Variants in ANAPC15 observed in about 807,000 individuals in gnomAD.
ANAPC15 encodes the protein anaphase promoting complex subunit 15, also known as anaphase-promoting complex subunit 15.
Under a neutral mutation model 19.8 loss-of-function variants are expected in ANAPC15, and 13 were observed. The observed-to-expected ratio is 0.66, with a 90% confidence interval of 0.43 to 1.04. ANAPC15 has a LOEUF of 1.04. Ranked by LOEUF, ANAPC15 falls within the 50% of genes least tolerant of loss-of-function variation. The pLI, the probability that ANAPC15 is intolerant of heterozygous loss-of-function variation, is 0.00. For missense variants in ANAPC15, 88 were observed against 150.3 expected (o/e 0.59, Z 2.17); for synonymous variants, 45 against 50.7 (o/e 0.89, Z 0.47).
At chr11:72,107,391 G>C, downstream of ANAPC15, 1 of 689,276 alleles carries the variant, frequency 1.5e-6, no homozygotes, top group Non-Finnish European at 2.7e-6. Flanking sequence ...TAGGGTGGTT[G>C]TTTCTGCCTG....
intron 4 of ANAPC15, 73 bp downstream of exon 4, chr11:72,110,471 G>A: frequency 6.3e-7 from 1 of 1,596,096 alleles, no homozygotes; most frequent in South Asian, 1.1e-5. Flanking sequence ...TCAGAGACAG[G>A]ACATTCAGAA....
In ANAPC15 at chr11:72,111,081, A is replaced by G. The variant is rs1406563284; in HGVS notation, c.120+76T>C. ...CTCTTCCTGGGTAGATTTCTGGAGT[A>G]AGGCTGGGTCATGGCCCACTGAAGG... is the stretch of plus-strand genomic sequence containing the variant. On this transcript the variant is annotated intron_variant, in intron 3 of 5. Transcript: ENST00000227618. The G allele has an allele frequency of 5.8e-6, 6 of 1,031,090 alleles. No individual in the cohort carries two copies. The Admixed American group carries it at 1.0e-4, about 17-fold the overall frequency. The allele number at this position is 1,031,090 out of a possible 1,614,324, so 63.9% of individuals were successfully genotyped here.
Position 72,111,012 on chromosome 11 carries a change from C to T in ANAPC15, c.120+145G>A, listed in dbSNP as rs78756927. On this transcript the variant is annotated intron_variant, in intron 3 of 5. Transcript: ENST00000227618. ...GGGTACCACAAGATGAGAACCTTGG[C>T]TCCCTGGCTCCCAGCCCGATTATTC... is the stretch of plus-strand genomic sequence containing the variant. The T allele has an allele frequency of 7.5e-3, 4,963 of 659,172 alleles. 210 individuals are homozygous for T. The African/African-American group carries it at 0.08, about 11-fold the overall frequency. 40.8% of individuals were successfully genotyped at this position (659,172 alleles called of 1,614,324 possible). A position where few individuals can be genotyped will look rare whatever the true frequency, so the allele number is the denominator to read the frequency against.
At position 72,112,328 on chromosome 11, in the gene ANAPC15, A is replaced by G. The variant is rs1326733659; in HGVS notation, c.-96+322T>C. On this transcript the variant is annotated intron_variant, in intron 1 of 5. Transcript: ENST00000227618. ...CATTACGATAATGACCATGCAGTTG[A>G]CCAACAGAAAGAAAGCAGGGCGGGT... 8 of 170,510 alleles carry G rather than the reference A, an allele frequency of 4.7e-5. No individual in the cohort carries two copies. The South Asian group carries it at 6.2e-4, about 13-fold the overall frequency. The allele number at this position is 170,510 out of a possible 1,614,324, so 10.6% of individuals were successfully genotyped here.
In ANAPC15 at chr11:72,110,610, G is replaced by A. The variant is rs370192741; in HGVS notation, c.121-7C>T. On this transcript the variant is annotated splice_polypyrimidine_tract_variant and splice_region_variant and intron_variant, in intron 3 of 5. Transcript: ENST00000227618. ...TCTCCGCGATGCTTTGGAGCTGTGGGCAAAGGCACAGAGGAACAAGGCCAG... is the reference window on the plus strand; with the variant it reads ...TCTCCGCGATGCTTTGGAGCTGTGGACAAAGGCACAGAGGAACAAGGCCAG... 4.3e-5 allele frequency: 69 copies of A among 1,614,088 alleles called. No homozygotes were observed. Among genetic ancestry groups the A allele is most frequent in the Non-Finnish European group, 5.3e-5 (62 of 1,180,050 alleles).
chr11:72,109,384 C>A (rs1371675893), downstream of ANAPC15: 1 of 461,438 alleles, frequency 2.2e-6, no homozygotes, highest in South Asian at 1.5e-5. Context: ...AGACGCCCTG[C>A]AGGAATAGCT....
At chr11:72,108,829 T>G (rs886048633), downstream of ANAPC15, 12 of 1,550,634 alleles carry the variant, frequency 7.7e-6, no homozygotes, top group Admixed American at 3.9e-5. Flanking sequence ...CTAAGAGCTG[T>G]GGCCGCTACC....
chr11:72,107,780 C>A (rs1237496795), downstream of ANAPC15: 11 of 819,720 alleles, frequency 1.3e-5, no homozygotes, highest in Non-Finnish European at 2.1e-5. Context: ...ACCAGGAGGG[C>A]AGCTGGGGCT....
rs1291346919 is a variant in ANAPC15 at position 72,111,090 on chromosome 11, T to C, written c.120+67A>G. On this transcript the variant is annotated intron_variant, in intron 3 of 5. Coordinates refer to ENST00000227618, the MANE Select transcript of ANAPC15 (RefSeq NM_014042.3). ...GGTAGATTTCTGGAGTAAGGCTGGG[T>C]CATGGCCCACTGAAGGAGGTCTCTG... The C allele has an allele frequency of 6.0e-6, 6 of 1,008,314 alleles. No individual in the cohort carries two copies. In the African/African-American group the frequency reaches 1.5e-4, roughly 25 times the overall value. 62.5% of individuals were successfully genotyped at this position (1,008,314 alleles called of 1,614,324 possible). A position where few individuals can be genotyped will look rare whatever the true frequency, so the allele number is the denominator to read the frequency against.
Position 72,110,157 on chromosome 11 carries a change from A to T in ANAPC15, c.249T>A (p.Asp83Glu). The part of the protein sequence containing the change: ...DEDSEEDSED[D>E]EDMQDMDEMN... The stretch of plus-strand genomic sequence containing the variant: ...TCTCGTCCATGTCCTGCATATCCTC[A>T]TCATCCTCTGAGTCCTCTTCACTAT... Residue 83 changes from aspartate to glutamate, a missense_variant, in exon 5 of 6, where the codon GAT becomes GAA. Transcript: ENST00000227618. 1.9e-6 allele frequency: 3 copies of T among 1,613,998 alleles called. No individual in the cohort carries two copies. Among genetic ancestry groups the T allele is most frequent in the Non-Finnish European group, 2.5e-6 (3 of 1,179,986 alleles).
chr11:72,108,571 C>T, downstream of ANAPC15: 1 of 1,435,080 alleles, frequency 7.0e-7, no homozygotes, highest in Non-Finnish European at 9.2e-7. Flanking sequence ...ACAATTCCCC[C>T]CACCCTCACC....
rs1259882207 is a variant in ANAPC15, at chr11:72,112,655, CG to C, written c.-102del. 1 of 456,630 alleles carries C rather than the reference CG, an allele frequency of 2.2e-6. No homozygotes were observed. Among genetic ancestry groups the C allele is most frequent in the Non-Finnish European group, 4.4e-6 (1 of 226,928 alleles). The allele number at this position is 456,630 out of a possible 1,614,324, so 28.3% of individuals were successfully genotyped here. A position where few individuals can be genotyped will look rare whatever the true frequency, so the allele number is the denominator to read the frequency against. On this transcript the variant is annotated 5_prime_UTR_variant, in exon 1 of 6. Coordinates refer to ENST00000227618, the MANE Select transcript of ANAPC15 (RefSeq NM_014042.3). The stretch of plus-strand genomic sequence containing the variant: ...AGCCTTGCGTCTGTACTTACCGCGC[CG>C]GGAGGCTGCTGCCGGCGGCGACCCG...
At chr11:72,108,611 C>G, downstream of ANAPC15, 1 of 1,462,816 alleles carries the variant, frequency 6.8e-7, no homozygotes, top group Non-Finnish European at 9.1e-7. Flanking sequence ...ACAGGTGGAG[C>G]TCATCGTGGG....
downstream of ANAPC15, chr11:72,108,585 A>G: frequency 7.0e-7 from 1 of 1,438,738 alleles, no homozygotes; most frequent in Non-Finnish European, 9.2e-7. Flanking sequence ...CCTCACCTCC[A>G]GCTCCCCCTA....
Position 72,109,837 on chromosome 11 carries a change from T to G in ANAPC15, c.*44A>C, listed in dbSNP as rs990802521. 1 of 1,610,978 alleles carries G rather than the reference T, an allele frequency of 6.2e-7. No individual in the cohort carries two copies. The highest frequency in any genetic ancestry group is 1.3e-5 in the African/African-American group (1 of 74,934). Reference sequence around the variant, plus strand: ...TTGGGGGTTGGGATGCAGGGTAGTTTGGGCTGGCCTGGAATCTCCCTGAGG... The same window carrying G: ...TTGGGGGTTGGGATGCAGGGTAGTTGGGGCTGGCCTGGAATCTCCCTGAGG... On this transcript the variant is annotated 3_prime_UTR_variant, in exon 6 of 6. Transcript: ENST00000227618.
Position 72,110,205 on chromosome 11 carries a change from T to C in ANAPC15, c.201A>G (p.Glu67=), listed in dbSNP as rs1202674899. ...TATCCTCATCATCTTCATCATCCTC[T>C]TCTTCCTCGTCATCATAGTGCTGGT... ...PASEHYDDEE[E]EDDEDDEDSE... Residue 67 remains glutamate, a synonymous_variant, in exon 5 of 6, where the codon GAA becomes GAG. Transcript: ENST00000227618. The C allele has an allele frequency of 6.2e-7, 1 of 1,614,072 alleles. No individual in the cohort carries two copies. Among genetic ancestry groups the C allele is most frequent in the Non-Finnish European group, 8.5e-7 (1 of 1,180,020 alleles).
At chr11:72,110,321 C>G (rs1162993127) in intron 4 of ANAPC15, 96 bp from the exon 5 acceptor site, 1 of 1,587,488 alleles carries the variant, frequency 6.3e-7, no homozygotes, top group East Asian at 2.2e-5. Flanking sequence ...CAATGAATGA[C>G]CCCCTACCCC....
At chr11:72,106,569 T>C (rs78268954), downstream of ANAPC15, 527 of 174,512 alleles carry the variant, frequency 3.0e-3, 5 homozygotes, top group African/African-American at 0.011. Flanking sequence ...CTCTCCACCA[T>C]GGAGGCTTCC....
downstream of ANAPC15, chr11:72,108,861 G>A: frequency 2.6e-6 from 4 of 1,550,416 alleles, no homozygotes; most frequent in Non-Finnish European, 3.5e-6. Flanking sequence ...CACCACACTG[G>A]CCTTCCAGAC....
Sources: gnomAD v4.1 joint callset for allele counts on GRCh38, gnomAD v4.1.1 for gene constraint, MANE v1.5 for transcripts, NCBI Gene and HGNC (gene_info 2026-07-23, HGNC 2026-07-21) for gene names.